PHLPP1: variants seen among roughly 807,000 people sequenced by gnomAD.
The protein encoded by PHLPP1 is PH domain and leucine rich repeat protein phosphatase 1, also known as PH domain leucine-rich repeat-containing protein phosphatase 1.
PHLPP1 carries 42 observed loss-of-function variants against 117.2 expected under a neutral mutation model. That is an observed-to-expected ratio of 0.36 (90% confidence interval 0.28 to 0.46). PHLPP1 has a LOEUF of 0.46. PHLPP1 is among the 20% of genes least tolerant of loss of function. The pLI is 1.00. For missense variants in PHLPP1, 2,084 were observed against 2,241.9 expected (o/e 0.93, Z 1.42); for synonymous variants, 1,042 against 970.7 (o/e 1.07, Z -1.37).
chr18:62,960,024 T>C (rs1458236193), intron 13 of PHLPP1, among the ~76,000 whole-genome samples: 1 of 152,196 alleles, frequency 6.6e-6, no homozygotes, highest in African/African-American at 2.4e-5. Flanking sequence ...AGGTACTTTT[T>C]AAGATCAAGA....
At chr18:62,730,195 A>G (rs1283028489) in intron 1 of PHLPP1, among the ~76,000 whole-genome samples, 1 of 152,244 alleles carries the variant, frequency 6.6e-6, no homozygotes, top group African/African-American at 2.4e-5. Flanking sequence ...TTTGTGAAGC[A>G]TAGACTTTAA....
chr18:62,941,581 C>T (rs978255083), intron 10 of PHLPP1, 137 bp from the exon 11 acceptor site: 1 of 628,694 alleles, frequency 1.6e-6, no homozygotes, highest in Non-Finnish European at 2.8e-6. Flanking sequence ...GCTAATTGAA[C>T]TCCTTGAAGC....
intron 12 of PHLPP1, among the ~76,000 whole-genome samples, chr18:62,952,153 C>T (rs562375733): frequency 8.5e-4 from 130 of 152,132 alleles, no homozygotes; most frequent in African/African-American, 3.1e-3. Flanking sequence ...GGGCTAGGCA[C>T]GGTGGCTCAT....
At chr18:62,892,029 TAAGA>T (rs1200259269) in intron 4 of PHLPP1, among the ~76,000 whole-genome samples, 2 of 150,772 alleles carry the variant, frequency 1.3e-5, no homozygotes, top group Non-Finnish European at 3.0e-5. Context: ...ACAAAAATAG[TAAGA>T]AAAGTGTCAT....
At chr18:62,833,745 G>C (rs1390604940) in intron 2 of PHLPP1, among the ~76,000 whole-genome samples, 1 of 152,088 alleles carries the variant, frequency 6.6e-6, no homozygotes, top group Non-Finnish European at 1.5e-5. Flanking sequence ...AATGTCTACT[G>C]TAAACATTCC....
At chr18:62,806,873 A>G (rs73465084) in intron 1 of PHLPP1, among the ~76,000 whole-genome samples, 2,256 of 152,276 alleles carry the variant, frequency 0.015, 57 homozygotes, top group African/African-American at 0.051. Context: ...AGGATTGTCT[A>G]TAGGAGATAA....
chr18:62,844,284 A>C (rs1007476227), intron 3 of PHLPP1, among the ~76,000 whole-genome samples: 6 of 152,222 alleles, frequency 3.9e-5, no homozygotes, highest in African/African-American at 1.4e-4. Context: ...GGTTGCACTG[A>C]GCTGAGATTG....
chr18:62,791,874 A>T (rs1913468195), intron 1 of PHLPP1, among the ~76,000 whole-genome samples: 1 of 152,154 alleles, frequency 6.6e-6, no homozygotes, highest in Admixed American at 6.5e-5. Flanking sequence ...AAGGAAAGCA[A>T]CCTTAGGTAA....
chr18:62,959,242 C>G (rs1054592923), intron 13 of PHLPP1, among the ~76,000 whole-genome samples: 1 of 151,982 alleles, frequency 6.6e-6, no homozygotes, highest in Non-Finnish European at 1.5e-5. Flanking sequence ...TCATGGAACT[C>G]TAAATGTCTA....
intron 14 of PHLPP1, among the ~76,000 whole-genome samples, chr18:62,966,764 C>T (rs1023118278): frequency 9.2e-5 from 14 of 152,128 alleles, no homozygotes; most frequent in Non-Finnish European, 1.6e-4. Flanking sequence ...CTGCCGTGCC[C>T]GGCAGTTCTG....
Position 62,830,035 on chromosome 18 carries a change from G to T in PHLPP1, c.1577G>T (p.Gly526Val). The change falls in exon 2 of 17, where the codon GGA (glycine) becomes GTA (valine). Residue 526 changes from glycine (G) to valine (V), a missense_variant and splice_region_variant. Around this residue, in one of 2 missense-constraint regions of PHLPP1, gnomAD observed 1,365 missense variants for 1,605.9 expected, o/e 0.85. Coordinates refer to ENST00000262719, the MANE Select transcript of PHLPP1 (RefSeq NM_194449.4). The stretch of plus-strand genomic sequence containing the variant: ...ACATGTTTGCTTCTGTTTATTTCAG[G>T]AAAACCTCACAGCACGGGTAGCTCT... ...EIGCLIRFYA[G>V]KPHSTGSSER... is the part of the protein sequence containing the mutation. The T allele has an allele frequency of 1.3e-6, 2 of 1,596,848 alleles. No homozygotes were observed. The highest frequency in any genetic ancestry group is 2.3e-5 in the South Asian group (2 of 88,682).
rs537126490 is a variant in PHLPP1 at position 62,779,503 on chromosome 18, A to T, written c.1577-50532A>T. On this transcript the variant is annotated intron_variant, in intron 1 of 16. Coordinates refer to ENST00000262719, the MANE Select transcript of PHLPP1 (RefSeq NM_194449.4). ...TGCTTGGTGAGTGTGCAGAGGGATGAATGTCATCTGTATCATCATCCTCAC... is the reference window on the plus strand; with the variant it reads ...TGCTTGGTGAGTGTGCAGAGGGATGTATGTCATCTGTATCATCATCCTCAC... 3 of 152,314 alleles carry T rather than the reference A, an allele frequency of 2.0e-5. No individual in the cohort carries two copies. The South Asian group carries it at 6.2e-4, about 32-fold the overall frequency. The allele number at this position is 152,314 out of a possible 1,614,324, so 9.4% of individuals were successfully genotyped here.
chr18:62,767,315 C>T (rs967123674), intron 1 of PHLPP1, among the ~76,000 whole-genome samples: 3 of 152,198 alleles, frequency 2.0e-5, no homozygotes, highest in Non-Finnish European at 4.4e-5. Flanking sequence ...TTGGCCTTCT[C>T]TCAGTTAATG....
chr18:62,776,067 A>T (rs940511283), intron 1 of PHLPP1, among the ~76,000 whole-genome samples: 1 of 151,932 alleles, frequency 6.6e-6, no homozygotes, highest in Admixed American at 6.5e-5. Context: ...AAGAGATTTA[A>T]AAAAATATAT....
At chr18:62,740,155 T>TGGGC (rs2122072440) in intron 1 of PHLPP1, among the ~76,000 whole-genome samples, 1 of 3,496 alleles carries the variant, frequency 2.9e-4, no homozygotes, top group African/African-American at 1.6e-3. Flanking sequence ...TGTATGTGTT[T>TGGGC]GGGCGGGAGG....
chr18:62,913,981 G>A (rs1219658845), intron 8 of PHLPP1, among the ~76,000 whole-genome samples: 5 of 151,986 alleles, frequency 3.3e-5, no homozygotes, highest in Non-Finnish European at 7.4e-5. Context: ...CCTGACCTCC[G>A]GTGATCTGCA....
intron 4 of PHLPP1, among the ~76,000 whole-genome samples, chr18:62,882,171 G>A (rs1916187706): frequency 6.6e-6 from 1 of 152,114 alleles, no homozygotes; most frequent in African/African-American, 2.4e-5. Flanking sequence ...AACTTACCAA[G>A]CCAAAGAAGC....
chr18:62,847,728 C>G lies in PHLPP1; in HGVS notation c.1899+8819C>G, dbSNP rs568697966. Among the ~76,000 whole-genome samples the G allele has an allele frequency of 3.9e-5, 6 of 152,232 alleles. No homozygotes were observed. The South Asian group carries it at 1.2e-3, about 32-fold the overall frequency. On this transcript the variant is annotated intron_variant, in intron 3 of 16. Coordinates refer to ENST00000262719, the MANE Select transcript of PHLPP1 (RefSeq NM_194449.4). ...AACCTTGAATTCTAGTCTTCAACAA[C>G]AAACGACTCTTAGTTCAGAGACTTA...
intron 1 of PHLPP1, among the ~76,000 whole-genome samples, chr18:62,783,594 A>G (rs190848276): frequency 6.6e-5 from 10 of 152,336 alleles, no homozygotes; most frequent in South Asian, 2.1e-4. Context: ...TGCAGCACTC[A>G]TGAAATGAGT....
Sources: allele counts gnomAD v4.1 joint callset (sites outside exome capture counted in the v4.1 genomes callset), GRCh38; gene constraint gnomAD v4.1.1; regional missense constraint gnomAD v4.1.1; transcripts MANE v1.5; gene names NCBI Gene and HGNC (gene_info 2026-07-23, HGNC 2026-07-21).